The following CACNA2D3 variants were observed in gnomAD, a reference collection of about 807,000 sequenced individuals.
The protein encoded by CACNA2D3 is voltage-dependent calcium channel subunit alpha-2/delta-3.
CACNA2D3 carries 60 observed loss-of-function variants against 160.6 expected under a neutral mutation model. That is an observed-to-expected ratio of 0.37 (90% CI 0.30 to 0.46). CACNA2D3 has a LOEUF of 0.46. CACNA2D3 is among the 20% of genes least tolerant of loss of function. The pLI, the probability that CACNA2D3 is intolerant of heterozygous loss-of-function variation, is 1.00. For synonymous variants in CACNA2D3, 558 were observed against 492.9 expected (o/e 1.13, Z -1.75); for missense variants, 1,205 against 1,365.0 (o/e 0.88, Z 1.85).
At chr3:54,383,675 G>A (rs553879437) in intron 3 of CACNA2D3, among the ~76,000 whole-genome samples, 2 of 152,168 alleles carry the variant, frequency 1.3e-5, no homozygotes, top group East Asian at 1.9e-4. Context: ...AGGATGACAC[G>A]CAAATTCGCG....
intron 12 of CACNA2D3, among the ~76,000 whole-genome samples, chr3:54,758,997 A>C (rs1702031930): frequency 6.6e-6 from 1 of 152,236 alleles, no homozygotes; most frequent in South Asian, 2.1e-4. Context: ...TCTCATGCTC[A>C]GGCAGCTTTG....
chr3:54,880,886 T>G (rs780002557), intron 21 of CACNA2D3, 23 bp downstream of exon 21: 3 of 1,608,210 alleles, frequency 1.9e-6, no homozygotes, highest in East Asian at 2.2e-5. Flanking sequence ...CTGGCTCGTC[T>G]TATCCTTTGG....
chr3:54,255,192 GAGAGTTA>G, intron 2 of CACNA2D3, among the ~76,000 whole-genome samples: 1 of 152,314 alleles, frequency 6.6e-6, no homozygotes, highest in Non-Finnish European at 1.5e-5. Flanking sequence ...TAGAGCTAAG[GAGAGTTA>G]AGAGTCATTC....
At chr3:54,524,172 G>A (rs1405291611) in intron 5 of CACNA2D3, among the ~76,000 whole-genome samples, 3 of 152,030 alleles carry the variant, frequency 2.0e-5, no homozygotes, top group Non-Finnish European at 4.4e-5. Context: ...TGCTGTAACT[G>A]CACTACATAA....
In CACNA2D3 at chr3:54,984,624, T is replaced by G. The variant is rs1329502606; in HGVS notation, c.2573T>G (p.Leu858Arg). The G allele has an allele frequency of 6.4e-7, 1 of 1,553,334 alleles. No homozygotes were observed. The highest frequency in any genetic ancestry group is 1.4e-5 in the African/African-American group (1 of 73,080). Reference protein sequence around the residue: ...SCDDETVNCYLIDNNGFILVS... With the variant: ...SCDDETVNCYRIDNNGFILVS... Reference sequence around the variant, plus strand: ...ATTTTCTAGACTGTGAATTGTTACCTCATAGACAATAATGGATTTATTTTG... The same window carrying G: ...ATTTTCTAGACTGTGAATTGTTACCGCATAGACAATAATGGATTTATTTTG... Residue 858 changes from leucine to arginine, a missense_variant, in exon 30 of 38, where the codon CTC (leucine) becomes CGC (arginine). Around this residue, in one of 3 missense-constraint regions of CACNA2D3, gnomAD observed 911 missense variants for 1,002.2 expected, o/e 0.91. Coordinates refer to ENST00000474759, the MANE Select transcript of CACNA2D3 (RefSeq NM_018398.3).
chr3:54,643,003 A>T (rs1056685078), intron 11 of CACNA2D3, among the ~76,000 whole-genome samples: 4 of 152,074 alleles, frequency 2.6e-5, no homozygotes, highest in African/African-American at 9.7e-5. Context: ...TAGACTGACA[A>T]TTGGTGGTCA....
intron 11 of CACNA2D3, among the ~76,000 whole-genome samples, chr3:54,674,912 T>C: frequency 6.6e-6 from 1 of 151,936 alleles, no homozygotes; most frequent in East Asian, 1.9e-4. Context: ...AGAGAGATGG[T>C]GTTAAGGAGC....
At chr3:54,425,903 G>A (rs574402722) in intron 4 of CACNA2D3, among the ~76,000 whole-genome samples, 1 of 152,324 alleles carries the variant, frequency 6.6e-6, no homozygotes, top group South Asian at 2.1e-4. Flanking sequence ...TAGAGGGGAC[G>A]TACACAGATG....
chr3:54,320,695 C>G, intron 3 of CACNA2D3, 137 bp downstream of exon 3: 1 of 533,678 alleles, frequency 1.9e-6, no homozygotes, highest in Non-Finnish European at 3.3e-6. Context: ...TTTTTACAGT[C>G]TGGTTAGCCA....
At chr3:54,960,999 A>G (rs1377237433) in intron 27 of CACNA2D3, among the ~76,000 whole-genome samples, 2 of 152,246 alleles carry the variant, frequency 1.3e-5, no homozygotes, top group Non-Finnish European at 2.9e-5. Context: ...TGGGTTAATC[A>G]TGAAATATTC....
chr3:54,140,825 A>G (rs1699911311), intron 2 of CACNA2D3, among the ~76,000 whole-genome samples: 1 of 152,198 alleles, frequency 6.6e-6, no homozygotes, highest in African/African-American at 2.4e-5. Context: ...GGCTCCTGTA[A>G]TAGTCTCTGT....
chr3:54,900,935 A>G (rs1700316773), intron 27 of CACNA2D3, among the ~76,000 whole-genome samples: 1 of 152,126 alleles, frequency 6.6e-6, no homozygotes, highest in Admixed American at 6.6e-5. Flanking sequence ...TTCCTGAGTT[A>G]CTGGGTGTGA....
At chr3:54,132,304 A>C (rs921656816) in intron 2 of CACNA2D3, among the ~76,000 whole-genome samples, 5 of 152,262 alleles carry the variant, frequency 3.3e-5, no homozygotes, top group African/African-American at 1.2e-4. Context: ...CAACTCAGAC[A>C]ACACACTTCA....
intron 11 of CACNA2D3, among the ~76,000 whole-genome samples, chr3:54,665,310 G>T (rs1381556049): frequency 9.2e-5 from 14 of 152,176 alleles, no homozygotes. Flanking sequence ...ACTTCTCAAA[G>T]GAGTTCTAAT....
At chr3:54,729,793 A>G (rs1472555541) in intron 11 of CACNA2D3, among the ~76,000 whole-genome samples, 1 of 151,990 alleles carries the variant, frequency 6.6e-6, no homozygotes, top group Non-Finnish European at 1.5e-5. Flanking sequence ...AGGTCAGGAG[A>G]TTGAGACCAT....
intron 2 of CACNA2D3, among the ~76,000 whole-genome samples, chr3:54,297,900 T>C (rs7428712): frequency 0.23 from 35,360 of 152,086 alleles, 4,353 homozygotes; most frequent in South Asian, 0.34. Context: ...TTGTGGTCCA[T>C]GGACCACTAG....
intron 2 of CACNA2D3, among the ~76,000 whole-genome samples, chr3:54,315,663 C>T (rs1439157216): frequency 6.6e-6 from 1 of 152,172 alleles, no homozygotes; most frequent in Admixed American, 6.5e-5. Flanking sequence ...TGCCTCAGCT[C>T]TCCACCTGCA....
At chr3:54,289,571 T>C (rs1703128926) in intron 2 of CACNA2D3, among the ~76,000 whole-genome samples, 1 of 152,188 alleles carries the variant, frequency 6.6e-6, no homozygotes. Flanking sequence ...AAAGTTCATA[T>C]GGAACCAAAA....
At chr3:54,939,988 T>G (rs1402507533) in intron 27 of CACNA2D3, among the ~76,000 whole-genome samples, 1 of 152,206 alleles carries the variant, frequency 6.6e-6, no homozygotes, top group Non-Finnish European at 1.5e-5. Flanking sequence ...ACAGGATGCC[T>G]CTAGGACTCC....
Sources: gnomAD v4.1 joint callset for allele counts (sites outside exome capture counted in the v4.1 genomes callset) on GRCh38, gnomAD v4.1.1 for gene constraint, gnomAD v4.1.1 regional missense constraint, MANE v1.5 for transcripts, NCBI Gene and HGNC (gene_info 2026-07-23, HGNC 2026-07-21) for gene names.